The following ARRB1 variants were observed in gnomAD, a reference collection of about 807,000 sequenced individuals.
ARRB1 encodes arrestin beta 1, also known as beta-arrestin-1.
ARRB1 carries 21 observed loss-of-function variants against 56.8 expected under a neutral mutation model. The ratio of observed to expected loss-of-function variants is 0.37; its 90% CI spans 0.26 to 0.53. ARRB1 has a LOEUF of 0.53. ARRB1 is among the 20% of genes least tolerant of loss of function. The pLI, the probability that ARRB1 is intolerant of heterozygous loss-of-function variation, is 0.88. For missense variants in ARRB1, 424 were observed against 553.7 expected, an observed-to-expected ratio of 0.77 and a Z score of 2.35; for synonymous variants, 210 against 218.6, an observed-to-expected ratio of 0.96 and a Z score of 0.35.
intron 1 of ARRB1, among the ~76,000 whole-genome samples, chr11:75,313,797 C>G (rs2140486495): frequency 6.6e-6 from 1 of 152,318 alleles, no homozygotes; most frequent in East Asian, 1.9e-4. Flanking sequence ...GTGACTGGCC[C>G]AAGTTCTCCC....
At chr11:75,348,331 G>A (rs1036999617) in intron 1 of ARRB1, among the ~76,000 whole-genome samples, 36 of 152,144 alleles carry the variant, frequency 2.4e-4, no homozygotes, top group African/African-American at 8.2e-4. Flanking sequence ...TCCTTTCCAG[G>A]AGAGCTTCCT....
chr11:75,301,077 G>A (rs1260136021), intron 1 of ARRB1, among the ~76,000 whole-genome samples: 4 of 151,340 alleles, frequency 2.6e-5, no homozygotes, highest in East Asian at 1.9e-4. Flanking sequence ...CCAGGAGGAG[G>A]AAGTGGCAGT....
In ARRB1 at chr11:75,326,702, A is replaced by G. The variant is rs1043048801; in HGVS notation, c.20+24886T>C. 1.1e-4 allele frequency among the ~76,000 whole-genome samples: 15 copies of G among 140,872 alleles called. No individual in the cohort carries two copies. The East Asian group carries it at 2.9e-3, about 27-fold the overall frequency. 92.4% of individuals were successfully genotyped at this position (140,872 alleles called of 152,430 possible). On this transcript the variant is annotated intron_variant, in intron 1 of 15. Transcript: ENST00000420843. The stretch of plus-strand genomic sequence containing the variant: ...GCAACCCCATCCCCTCTTACTACAC[A>G]CTGCCTTTTTAAAATTACTGTCTTT...
At chr11:75,284,431 G>A in intron 3 of ARRB1, 152 bp from the exon 4 acceptor site, 2 of 653,128 alleles carry the variant, frequency 3.1e-6, no homozygotes, top group Non-Finnish European at 4.9e-6. Flanking sequence ...GGGTGGCACT[G>A]CCCACCTCCA....
intron 7 of ARRB1, 143 bp downstream of exon 7, chr11:75,280,932 C>T: frequency 1.0e-6 from 1 of 981,612 alleles, no homozygotes; most frequent in Non-Finnish European, 1.5e-6. Flanking sequence ...GACCTCCCAG[C>T]TTCCAGAGTG....
chr11:75,340,405 C>T (rs1239231657), intron 1 of ARRB1, among the ~76,000 whole-genome samples: 2 of 152,238 alleles, frequency 1.3e-5, no homozygotes, highest in African/African-American at 4.8e-5. Flanking sequence ...CTTCTGGGTG[C>T]AGGAATTCTG....
intron 10 of ARRB1, among the ~76,000 whole-genome samples, chr11:75,276,081 G>A (rs1946194579): frequency 6.6e-6 from 1 of 152,066 alleles, no homozygotes; most frequent in Admixed American, 6.6e-5. Flanking sequence ...CTATTTCAAA[G>A]GCCATGTAGT....
At chr11:75,340,091 G>C (rs1415977828) in intron 1 of ARRB1, among the ~76,000 whole-genome samples, 1 of 152,236 alleles carries the variant, frequency 6.6e-6, no homozygotes, top group African/African-American at 2.4e-5. Context: ...GACATGCCTT[G>C]AGTGGAGGGA....
intron 10 of ARRB1, among the ~76,000 whole-genome samples, chr11:75,276,085 A>G (rs1351050074): frequency 6.6e-6 from 1 of 152,230 alleles, no homozygotes; most frequent in Non-Finnish European, 1.5e-5. Context: ...TTCAAAGGCC[A>G]TGTAGTAACA....
chr11:75,300,935 T>C (rs1459495077), intron 1 of ARRB1, among the ~76,000 whole-genome samples: 2 of 129,504 alleles, frequency 1.5e-5, no homozygotes, highest in African/African-American at 6.6e-5. Context: ...GCCACTGCAC[T>C]CCAGCCTGGG....
intron 4 of ARRB1, 48 bp from the exon 5 acceptor site, chr11:75,283,531 C>T (rs934969290): frequency 5.7e-5 from 87 of 1,526,070 alleles, no homozygotes; most frequent in East Asian, 9.4e-5. Context: ...GAGCAGCAAG[C>T]GAGCCCCCCA....
At chr11:75,337,573 A>G (rs745392865) in intron 1 of ARRB1, among the ~76,000 whole-genome samples, 4 of 152,026 alleles carry the variant, frequency 2.6e-5, no homozygotes, top group Non-Finnish European at 5.9e-5. Context: ...TGGGAGTCCA[A>G]GAGACAAGAG....
intron 1 of ARRB1, among the ~76,000 whole-genome samples, chr11:75,319,527 G>T (rs1429658559): frequency 3.3e-5 from 5 of 152,186 alleles, no homozygotes; most frequent in Non-Finnish European, 7.4e-5. Flanking sequence ...TCAAAATGCA[G>T]TTGGGCTCTG....
At chr11:75,293,249 G>A (rs548652485) in intron 1 of ARRB1, among the ~76,000 whole-genome samples, 6 of 152,042 alleles carry the variant, frequency 3.9e-5, no homozygotes, top group Non-Finnish European at 8.8e-5. Context: ...CATGACTTTA[G>A]GTATTTTTCC....
chr11:75,312,161 C>T, intron 1 of ARRB1: 2 of 1,288,822 alleles, frequency 1.6e-6, no homozygotes, highest in Non-Finnish European at 2.0e-6. Flanking sequence ...TCCACCCTCG[C>T]CCTCCCCGGG....
At chr11:75,307,275 TA>T (rs970095606) in intron 1 of ARRB1, among the ~76,000 whole-genome samples, 3 of 152,102 alleles carry the variant, frequency 2.0e-5, no homozygotes, top group African/African-American at 7.2e-5. Context: ...GTGAAGGCCA[TA>T]AATGGGGTTT....
intron 1 of ARRB1, among the ~76,000 whole-genome samples, chr11:75,316,656 C>T (rs1288124858): frequency 6.6e-6 from 1 of 152,116 alleles, no homozygotes; most frequent in Non-Finnish European, 1.5e-5. Flanking sequence ...ATGGCTCACC[C>T]CTGTAATCCC....
chr11:75,285,414 C>T (rs1351321764), intron 3 of ARRB1, among the ~76,000 whole-genome samples: 1 of 152,214 alleles, frequency 6.6e-6, no homozygotes, highest in East Asian at 1.9e-4. Flanking sequence ...GGCTGACATC[C>T]CCTGTCTATC....
intron 1 of ARRB1, chr11:75,306,448 G>T: frequency 1.8e-6 from 1 of 562,928 alleles, no homozygotes; most frequent in Non-Finnish European, 3.1e-6. Context: ...AGGCTGGTGC[G>T]CAGGAAGCAC....
Sources: gnomAD v4.1 joint callset for allele counts (sites outside exome capture counted in the v4.1 genomes callset) on GRCh38, gnomAD v4.1.1 for gene constraint, MANE v1.5 for transcripts, NCBI Gene and HGNC (gene_info 2026-07-23, HGNC 2026-07-21) for gene names.